OPHN1: variants seen among roughly 807,000 people sequenced by gnomAD.
OPHN1 encodes the protein oligophrenin-1.
OPHN1 carries 11 observed loss-of-function variants against 60.7 expected under a neutral mutation model. The ratio of observed to expected loss-of-function variants is 0.18; its 90% confidence interval spans 0.11 to 0.30. The LOEUF is 0.30. OPHN1 is among the 10% of genes least tolerant of loss of function. The probability of loss-of-function intolerance (pLI) is 1.00; values close to 1 mark genes in which losing one functional copy is unlikely to be tolerated. For missense variants in OPHN1, 449 were observed against 611.0 expected (o/e 0.73, Z 2.80); for synonymous variants, 226 against 222.6 (o/e 1.02, Z -0.14).
intron 3 of OPHN1, among the ~76,000 whole-genome samples, chrX:68,283,889 G>A (rs1430216708): frequency 9.0e-6 from 1 of 111,683 alleles, no homozygotes; most frequent in Non-Finnish European, 1.9e-5. Context: ...ATGAATTTTG[G>A]AGTCAACACA....
At chrX:68,390,560 C>T (rs1035333168) in intron 2 of OPHN1, among the ~76,000 whole-genome samples, 2 of 111,693 alleles carry the variant, frequency 1.8e-5, no homozygotes, top group African/African-American at 6.5e-5. Flanking sequence ...AATTGCGCCA[C>T]TGCACTCCAG....
chrX:68,399,686 TAA>T, intron 2 of OPHN1, among the ~76,000 whole-genome samples: 1 of 10,226 alleles, frequency 9.8e-5, no homozygotes, highest in Admixed American at 8.9e-4. Flanking sequence ...TAAATAAAAA[TAA>T]ATAAATAAAT....
intron 2 of OPHN1, among the ~76,000 whole-genome samples, chrX:68,369,955 A>C (rs1465325274): frequency 9.9e-6 from 1 of 101,133 alleles, no homozygotes; most frequent in Non-Finnish European, 2.0e-5. Flanking sequence ...CTAACAGCCA[A>C]TATCTCATCA....
At chrX:68,225,993 A>G (rs1168205891) in intron 6 of OPHN1, among the ~76,000 whole-genome samples, 2 of 111,612 alleles carry the variant, frequency 1.8e-5, no homozygotes, top group East Asian at 5.6e-4. Flanking sequence ...AAAAGATAAG[A>G]CGAATGGCTA....
At position 68,096,902 on chromosome X, in the gene OPHN1, C is replaced by T; in HGVS notation, c.1654G>A (p.Val552Met). ...AAGTGCTCGATTAGTATTTCCACCA[C>T]TATGTTCTGGAATTTGATGTTCATC... ...AMMNIKFQNI[V>M]VEILIEHFGK... The change falls in exon 19 of 25, where the codon GTG becomes ATG. Residue 552 changes from valine (V) to methionine (M), a missense_variant. By Grantham distance (21) the Val-to-Met change is conservative (BLOSUM62 1). Transcript: ENST00000355520. 8.3e-7 allele frequency: 1 copy of T among 1,211,174 alleles called. No homozygotes were observed. The highest frequency in any genetic ancestry group is 1.1e-6 in the Non-Finnish European group (1 of 895,297).
chrX:68,369,476 C>T (rs1289812354), intron 2 of OPHN1, among the ~76,000 whole-genome samples: 2 of 111,216 alleles, frequency 1.8e-5, no homozygotes, highest in African/African-American at 6.5e-5. Context: ...GAAAGTACAG[C>T]CTACTCAAAG....
At chrX:68,359,639 G>A (rs186988817) in intron 2 of OPHN1, among the ~76,000 whole-genome samples, 1 of 109,682 alleles carries the variant, frequency 9.1e-6, no homozygotes, top group African/African-American at 3.3e-5. Context: ...GGCGGATCAC[G>A]AGGTCAGGAG....
intron 6 of OPHN1, among the ~76,000 whole-genome samples, chrX:68,220,227 C>G (rs1352559019): frequency 9.6e-6 from 1 of 104,178 alleles, no homozygotes; most frequent in Admixed American, 1.0e-4. Context: ...CAAGACTAAA[C>G]CAGGAAGAAG....
intron 5 of OPHN1, among the ~76,000 whole-genome samples, chrX:68,240,378 T>G (rs1031851848): frequency 1.8e-5 from 2 of 111,789 alleles, no homozygotes; most frequent in Non-Finnish European, 3.8e-5. Context: ...TTAAAATTTT[T>G]GGGGACCACT....
chrX:68,313,954 T>C (rs1272534568), intron 2 of OPHN1, among the ~76,000 whole-genome samples: 1 of 111,510 alleles, frequency 9.0e-6, no homozygotes, highest in Non-Finnish European at 1.9e-5. Flanking sequence ...ATATCTCATG[T>C]ACCCCATAAG....
intron 2 of OPHN1, among the ~76,000 whole-genome samples, chrX:68,334,000 C>T (rs1011826342): frequency 1.9e-5 from 2 of 107,860 alleles, no homozygotes; most frequent in Admixed American, 1.0e-4. Flanking sequence ...CGGGATCAAG[C>T]GATTCTCATG....
intron 2 of OPHN1, among the ~76,000 whole-genome samples, chrX:68,372,353 T>C (rs1002191738): frequency 9.0e-6 from 1 of 111,470 alleles, no homozygotes; most frequent in Non-Finnish European, 1.9e-5. Context: ...TATTGCATTA[T>C]GAATGTAACC....
chrX:68,339,315 A>G, intron 2 of OPHN1, among the ~76,000 whole-genome samples: 1 of 110,022 alleles, frequency 9.1e-6, no homozygotes. Context: ...CTCATACTTA[A>G]TGGTGAAAGA....
At chrX:68,312,918 C>A (rs1241226687) in intron 2 of OPHN1, among the ~76,000 whole-genome samples, 3 of 111,000 alleles carry the variant, frequency 2.7e-5, no homozygotes, top group Non-Finnish European at 5.7e-5. Flanking sequence ...CCAATCTGGG[C>A]AACAGAGTGA....
intron 2 of OPHN1, among the ~76,000 whole-genome samples, chrX:68,379,644 T>A (rs1227207662): frequency 2.7e-5 from 3 of 109,221 alleles, no homozygotes; most frequent in Non-Finnish European, 3.8e-5. Flanking sequence ...CATGAAGGGC[T>A]GTTGAATTTT....
chrX:68,284,003 G>A (rs1299865398), intron 3 of OPHN1, among the ~76,000 whole-genome samples: 1 of 111,185 alleles, frequency 9.0e-6, no homozygotes, highest in East Asian at 2.9e-4. Flanking sequence ...GAGCTCAACC[G>A]TAGCATAGAA....
chrX:68,156,137 C>T (rs1288622710), intron 15 of OPHN1, among the ~76,000 whole-genome samples: 1 of 110,706 alleles, frequency 9.0e-6, no homozygotes, highest in East Asian at 2.8e-4. Flanking sequence ...CATTTCCCTA[C>T]TTTATCAGAA....
chrX:68,383,612 A>C (rs1306697096), intron 2 of OPHN1, among the ~76,000 whole-genome samples: 4 of 105,782 alleles, frequency 3.8e-5, no homozygotes, highest in African/African-American at 1.4e-4. Context: ...AAAAAAAAAA[A>C]AAAAAAAAAA....
chrX:68,357,549 A>G (rs2078448174), intron 2 of OPHN1, among the ~76,000 whole-genome samples: 1 of 110,488 alleles, frequency 9.1e-6, no homozygotes, highest in Non-Finnish European at 1.9e-5. Flanking sequence ...GATGGTTTCC[A>G]GCTTCATCCA....
Sources: allele counts gnomAD v4.1 joint callset (sites outside exome capture counted in the v4.1 genomes callset), GRCh38; gene constraint gnomAD v4.1.1; transcripts MANE v1.5; gene names NCBI Gene and HGNC (gene_info 2026-07-23, HGNC 2026-07-21).